DPP6: variants seen among roughly 807,000 people sequenced by gnomAD.
DPP6 encodes A-type potassium channel modulatory protein DPP6.
DPP6 carries 69 observed loss-of-function variants against 122.6 expected under a neutral mutation model. That is an observed-to-expected ratio of 0.56 (90% CI 0.46 to 0.69). The LOEUF is 0.69. Among genes scored for constraint, DPP6 ranks in the 30% least tolerant of loss-of-function variants. The pLI, the probability that DPP6 is intolerant of heterozygous loss-of-function variation, is 0.00. For missense variants in DPP6, 928 were observed against 1,116.9 expected, an observed-to-expected ratio of 0.83 and a Z score of 2.41; for synonymous variants, 418 against 433.1, an observed-to-expected ratio of 0.97 and a Z score of 0.43.
At chr7:153,900,658 A>G (rs932732997) in intron 1 of DPP6, among the ~76,000 whole-genome samples, 1 of 152,192 alleles carries the variant, frequency 6.6e-6, no homozygotes, top group Non-Finnish European at 1.5e-5. Context: ...GTCTGCCTCC[A>G]TGACCCAAAT....
chr7:153,950,907 A>G (rs947270865), intron 1 of DPP6, among the ~76,000 whole-genome samples: 4 of 152,216 alleles, frequency 2.6e-5, no homozygotes, highest in African/African-American at 4.8e-5. Context: ...GTGGAATGCA[A>G]GCCACGTAGG....
rs370147218 is a variant in DPP6, at chr7:154,147,648, T to TTG, written c.243+94613_243+94614dup. Among the ~76,000 whole-genome samples the TTG allele has an allele frequency of 4.2e-3, 618 of 146,470 alleles. 2 individuals carry two copies. Among genetic ancestry groups the TTG allele is most frequent in the Non-Finnish European group, 5.6e-3 (372 of 66,990 alleles). ...GCACCCACCACTATACCCAGCTAAT[T>TTG]TGTGTGTGTGTGTGTGTGTGTGTGT... On this transcript the variant is annotated intron_variant, in intron 1 of 25. Coordinates refer to ENST00000377770, the MANE Select transcript of DPP6 (RefSeq NM_130797.4).
chr7:153,934,184 GT>G (rs569465477), intron 1 of DPP6, among the ~76,000 whole-genome samples: 67 of 152,266 alleles, frequency 4.4e-4, no homozygotes, highest in African/African-American at 1.5e-3. Flanking sequence ...AGCACCTTTT[GT>G]TTTTCCCTGT....
chr7:154,116,948 G>A (rs1466914493), intron 1 of DPP6, among the ~76,000 whole-genome samples: 2 of 152,218 alleles, frequency 1.3e-5, no homozygotes, highest in African/African-American at 4.8e-5. Context: ...CCCCCAAAAT[G>A]CTGACCCTAG....
intron 1 of DPP6, among the ~76,000 whole-genome samples, chr7:154,360,441 C>T (rs556548945): frequency 3.3e-5 from 5 of 152,182 alleles, no homozygotes; most frequent in Non-Finnish European, 7.3e-5. Context: ...CCAGCTTGAC[C>T]TCAAACCCGT....
intron 1 of DPP6, among the ~76,000 whole-genome samples, chr7:154,302,124 C>T (rs1340268534): frequency 6.6e-6 from 1 of 152,134 alleles, no homozygotes; most frequent in Non-Finnish European, 1.5e-5. Flanking sequence ...GCAGATCTGT[C>T]AAACTTATTC....
At chr7:154,575,000 G>GT (rs1489736384) in intron 5 of DPP6, among the ~76,000 whole-genome samples, 1 of 142,114 alleles carries the variant, frequency 7.0e-6, no homozygotes, top group Non-Finnish European at 1.5e-5. Flanking sequence ...ATATGTGTGG[G>GT]GTGTGTGTGT....
Position 154,665,185 on chromosome 7 carries a change from C to T in DPP6, c.681-4175C>T, listed in dbSNP as rs541287789. ...TTCTCATGATTGGAGTAAGGTTCTG[C>T]ATTTTGGGTAAAAAATATCACATAA... On this transcript the variant is annotated intron_variant, in intron 6 of 25. Coordinates refer to ENST00000377770, the MANE Select transcript of DPP6 (RefSeq NM_130797.4). 2.4e-3 allele frequency among the ~76,000 whole-genome samples: 365 copies of T among 152,258 alleles called. 2 individuals carry two copies. The highest frequency in any genetic ancestry group is 7.9e-3 in the African/African-American group (330 of 41,540).
At chr7:154,262,833 G>A (rs1425024940) in intron 1 of DPP6, among the ~76,000 whole-genome samples, 13 of 152,102 alleles carry the variant, frequency 8.5e-5, no homozygotes, top group Non-Finnish European at 1.9e-4. Flanking sequence ...ATAGCTTCTC[G>A]AGATACCCTT....
chr7:154,401,204 AC>A (rs202147127), intron 1 of DPP6, among the ~76,000 whole-genome samples: 6,556 of 149,154 alleles, frequency 0.044, 254 homozygotes, highest in East Asian at 0.14. Context: ...CTCAGAAAAA[AC>A]AAAAACAAAA....
intron 1 of DPP6, among the ~76,000 whole-genome samples, chr7:154,073,182 C>G (rs376162459): frequency 7.8e-6 from 1 of 128,494 alleles, no homozygotes; most frequent in Non-Finnish European, 1.7e-5. Flanking sequence ...CATGTTCCTT[C>G]GTGCCCTGGG....
At chr7:154,735,884 G>T (rs1280484417) in intron 8 of DPP6, among the ~76,000 whole-genome samples, 1 of 152,228 alleles carries the variant, frequency 6.6e-6, no homozygotes, top group East Asian at 1.9e-4. Flanking sequence ...CAGGCTGGCT[G>T]CCAAGGCCCT....
intron 5 of DPP6, among the ~76,000 whole-genome samples, chr7:154,573,648 C>T (rs1431245801): frequency 9.2e-5 from 14 of 152,314 alleles, no homozygotes; most frequent in African/African-American, 2.2e-4. Flanking sequence ...TACTCTTAGC[C>T]GATATAAGGC....
upstream of DPP6, among the ~76,000 whole-genome samples, chr7:153,883,660 G>A (rs534704522): frequency 6.6e-5 from 10 of 152,312 alleles, no homozygotes; most frequent in South Asian, 2.1e-3. Flanking sequence ...GATTATAGGC[G>A]TGAGCCACCG....
chr7:154,234,645 AT>A (rs572895532), intron 1 of DPP6, among the ~76,000 whole-genome samples: 170 of 152,214 alleles, frequency 1.1e-3, no homozygotes, highest in African/African-American at 4.0e-3. Context: ...CATACACAGA[AT>A]CAACACTCAA....
chr7:154,669,318 C>T, intron 6 of DPP6, 42 bp from the exon 7 acceptor site: 1 of 1,551,452 alleles, frequency 6.4e-7, no homozygotes, highest in Non-Finnish European at 8.7e-7. Context: ...TTCTTGGTTC[C>T]CAACATTTTG....
chr7:154,207,304 C>T (rs1239936233), intron 1 of DPP6, among the ~76,000 whole-genome samples: 1 of 152,060 alleles, frequency 6.6e-6, no homozygotes, highest in East Asian at 1.9e-4. Context: ...CGTTGGTGTC[C>T]ATGTAGTAAA....
chr7:154,218,290 A>G (rs1414508781), intron 1 of DPP6, among the ~76,000 whole-genome samples: 1 of 152,148 alleles, frequency 6.6e-6, no homozygotes, highest in African/African-American at 2.4e-5. Context: ...CAGCCTTACA[A>G]CAAGTCCTGT....
intron 1 of DPP6, among the ~76,000 whole-genome samples, chr7:153,907,662 G>T (rs905753481): frequency 5.3e-5 from 8 of 152,164 alleles, no homozygotes; most frequent in African/African-American, 1.9e-4. Flanking sequence ...GGTCTGGATA[G>T]AACAAGAGGC....
Sources: allele counts gnomAD v4.1 joint callset (sites outside exome capture counted in the v4.1 genomes callset), GRCh38; gene constraint gnomAD v4.1.1; transcripts MANE v1.5; gene names NCBI Gene and HGNC (gene_info 2026-07-23, HGNC 2026-07-21).